The following DENND1A variants were observed in gnomAD, a reference collection of about 807,000 sequenced individuals.
The protein encoded by DENND1A is DENN domain containing 1A.
DENND1A carries 51 observed loss-of-function variants against 113.7 expected under a neutral mutation model. The observed-to-expected ratio is 0.45, with a 90% CI of 0.36 to 0.57. DENND1A has a LOEUF of 0.57. DENND1A is among the 20% of genes least tolerant of loss of function. The pLI is 0.00. For synonymous variants in DENND1A, 565 were observed against 570.8 expected (o/e 0.99, Z 0.14); for missense variants, 1,258 against 1,395.9 (o/e 0.90, Z 1.57).
Position 123,544,902 on chromosome 9 carries a change from T to C in DENND1A, c.993+12668A>G, listed in dbSNP as rs141997837. On this transcript the variant is annotated intron_variant, in intron 13 of 23. Coordinates refer to ENST00000394215, the MANE Select transcript of DENND1A (RefSeq NM_001352964.2). ...TCACCAGGTCAGGAGATCAAGACCA[T>C]CCTGGCTAACACGGTGAAACCCCGT... 5.3e-3 allele frequency among the ~76,000 whole-genome samples: 808 copies of C among 152,112 alleles called. 9 individuals are homozygous for C. Among genetic ancestry groups the C allele is most frequent in the African/African-American group, 0.019 (768 of 41,486 alleles).
chr9:123,828,299 A>G (rs1839673530), intron 2 of DENND1A, among the ~76,000 whole-genome samples: 1 of 152,176 alleles, frequency 6.6e-6, no homozygotes, highest in African/African-American at 2.4e-5. Context: ...AGTTGAAGAA[A>G]AAAACAAGTG....
chr9:123,540,266 T>A (rs1386293965), intron 13 of DENND1A, among the ~76,000 whole-genome samples: 1 of 152,202 alleles, frequency 6.6e-6, no homozygotes. Context: ...GTGAGGCAGA[T>A]TACATTTATT....
chr9:123,474,930 C>T (rs1352679292), intron 13 of DENND1A, among the ~76,000 whole-genome samples: 1 of 152,204 alleles, frequency 6.6e-6, no homozygotes, highest in Non-Finnish European at 1.5e-5. Context: ...CTTGGGGAGG[C>T]ACTCATCTTT....
chr9:123,827,288 A>G (rs1303793897), intron 2 of DENND1A, among the ~76,000 whole-genome samples: 5 of 151,914 alleles, frequency 3.3e-5, no homozygotes, highest in African/African-American at 1.2e-4. Flanking sequence ...TTGTTAGCCT[A>G]AAGTCCTAAG....
At chr9:123,738,848 C>T (rs2068770077) in intron 5 of DENND1A, among the ~76,000 whole-genome samples, 1 of 152,180 alleles carries the variant, frequency 6.6e-6, no homozygotes, top group Non-Finnish European at 1.5e-5. Context: ...AAAATACTAA[C>T]ACAGAGCTTG....
At chr9:123,452,033 CAA>C (rs10653405) in intron 17 of DENND1A, among the ~76,000 whole-genome samples, 1 of 134,916 alleles carries the variant, frequency 7.4e-6, no homozygotes, top group Non-Finnish European at 1.6e-5. Context: ...CCTGTCTCTC[CAA>C]AAAAAAAAAA....
intron 2 of DENND1A, among the ~76,000 whole-genome samples, chr9:123,836,862 A>C (rs909225516): frequency 1.3e-5 from 2 of 152,192 alleles, no homozygotes; most frequent in Non-Finnish European, 2.9e-5. Context: ...ATTTACAAAA[A>C]TAGTAATATA....
chr9:123,615,058 G>A (rs780495362), intron 10 of DENND1A, among the ~76,000 whole-genome samples: 3 of 152,166 alleles, frequency 2.0e-5, no homozygotes, highest in Non-Finnish European at 4.4e-5. Flanking sequence ...TGGAGAATGC[G>A]AATGATCATG....
At chr9:123,668,260 C>A (rs1048367995) in intron 7 of DENND1A, among the ~76,000 whole-genome samples, 1 of 152,162 alleles carries the variant, frequency 6.6e-6, no homozygotes, top group Non-Finnish European at 1.5e-5. Flanking sequence ...CCCCAACCCC[C>A]ACTCTTGGGT....
At chr9:123,695,487 T>C (rs80043135) in intron 5 of DENND1A, among the ~76,000 whole-genome samples, 16,380 of 151,414 alleles carry the variant, frequency 0.11, 953 homozygotes, top group Admixed American at 0.13. Flanking sequence ...TTGAGTTTTA[T>C]ATATATATAT....
intron 18 of DENND1A, among the ~76,000 whole-genome samples, chr9:123,442,293 G>A (rs761848698): frequency 1.3e-5 from 2 of 152,158 alleles, no homozygotes; most frequent in Non-Finnish European, 2.9e-5. Context: ...CTTGGATCAG[G>A]TGGCCCACGT....
intron 9 of DENND1A, among the ~76,000 whole-genome samples, chr9:123,642,621 CTGTT>C (rs1241940965): frequency 6.6e-6 from 1 of 152,166 alleles, no homozygotes; most frequent in East Asian, 1.9e-4. Flanking sequence ...TTAGAATTCT[CTGTT>C]TGGTAAGTTT....
chr9:123,909,663 T>C (rs1226597410), intron 1 of DENND1A, among the ~76,000 whole-genome samples: 1 of 152,046 alleles, frequency 6.6e-6, no homozygotes, highest in Non-Finnish European at 1.5e-5. Flanking sequence ...TGTACTCAGA[T>C]GAACCTATTC....
intron 11 of DENND1A, among the ~76,000 whole-genome samples, chr9:123,603,264 T>C (rs1340834517): frequency 1.3e-5 from 2 of 152,244 alleles, no homozygotes; most frequent in African/African-American, 4.8e-5. Flanking sequence ...AAATTCCAGT[T>C]CTTTGAAATG....
At chr9:123,862,642 A>C (rs180960355) in intron 2 of DENND1A, among the ~76,000 whole-genome samples, 5 of 152,306 alleles carry the variant, frequency 3.3e-5, no homozygotes, top group Non-Finnish European at 1.5e-5. Context: ...TTAGAAAAAA[A>C]CATTTCCATC....
At chr9:123,559,224 T>C (rs2057600068) in intron 12 of DENND1A, among the ~76,000 whole-genome samples, 1 of 152,050 alleles carries the variant, frequency 6.6e-6, no homozygotes, top group African/African-American at 2.4e-5. Flanking sequence ...TGGCTTGAAA[T>C]GAGGCTGGAG....
At chr9:123,858,078 AAAAG>A (rs1241595839) in intron 2 of DENND1A, among the ~76,000 whole-genome samples, 2 of 151,174 alleles carry the variant, frequency 1.3e-5, no homozygotes, top group Non-Finnish European at 3.0e-5. Context: ...AAAAAAAAAG[AAAAG>A]AAAGAAAGAA....
At chr9:123,591,299 A>C (rs1039147002) in intron 11 of DENND1A, among the ~76,000 whole-genome samples, 13 of 152,224 alleles carry the variant, frequency 8.5e-5, no homozygotes, top group African/African-American at 3.1e-4. Flanking sequence ...CTGTCCAAGG[A>C]GGGAATTGGG....
chr9:123,709,968 G>C (rs2066474268), intron 5 of DENND1A, among the ~76,000 whole-genome samples: 1 of 152,170 alleles, frequency 6.6e-6, no homozygotes, highest in Non-Finnish European at 1.5e-5. Flanking sequence ...ATTATCACTA[G>C]AGATAAAGAA....
Sources: gnomAD v4.1 joint callset for allele counts (sites outside exome capture counted in the v4.1 genomes callset) on GRCh38, gnomAD v4.1.1 for gene constraint, MANE v1.5 for transcripts, NCBI Gene and HGNC (gene_info 2026-07-23, HGNC 2026-07-21) for gene names.